The following PDS5B variants were observed in gnomAD, a reference collection of about 807,000 sequenced individuals.
The protein encoded by PDS5B is sister chromatid cohesion protein PDS5 homolog B.
PDS5B carries 51 observed loss-of-function variants against 184.1 expected under a neutral mutation model. That is an observed-to-expected ratio of 0.28 (90% CI 0.22 to 0.35). The LOEUF is 0.35. Among genes scored for constraint, PDS5B ranks in the 10% least tolerant of loss-of-function variants. The probability of loss-of-function intolerance (pLI) is 1.00; values close to 1 mark genes in which losing one functional copy is unlikely to be tolerated. For synonymous variants in PDS5B, 566 were observed against 569.2 expected, an observed-to-expected ratio of 0.99 and a Z score of 0.08; for missense variants, 1,180 against 1,723.3, an observed-to-expected ratio of 0.68 and a Z score of 5.58.
At chr13:32,755,079 A>G (rs1024172792) in intron 25 of PDS5B, among the ~76,000 whole-genome samples, 1 of 152,344 alleles carries the variant, frequency 6.6e-6, no homozygotes, top group South Asian at 2.1e-4. Context: ...ATTTAGCAAT[A>G]GAAATAAAGA....
intron 20 of PDS5B, 37 bp from the exon 21 acceptor site, chr13:32,735,135 G>A (rs773801448): frequency 8.0e-6 from 11 of 1,368,048 alleles, no homozygotes; most frequent in Non-Finnish European, 1.1e-5. Flanking sequence ...TTGTATATGT[G>A]TAGAGTTGAA....
At chr13:32,694,397 G>GAATATTACTACTATATAA in intron 14 of PDS5B, 93 bp downstream of exon 14, 1 of 794,632 alleles carries the variant, frequency 1.3e-6, no homozygotes, top group Admixed American at 2.5e-5. Flanking sequence ...AATTCTTTCT[G>GAATATTACTACTATATAA]TTTGCAAAAG....
At position 32,742,580 on chromosome 13, in the gene PDS5B, C is replaced by G; in HGVS notation, c.2476-11C>G. On this transcript the variant is annotated splice_polypyrimidine_tract_variant and intron_variant, in intron 22 of 34. Transcript: ENST00000315596. ...ACCAGTGTTTTATTTGTCGACTTGT[C>G]TCTTAAATAGATTCAGGCTATTAAA... is the stretch of plus-strand genomic sequence containing the variant. The G allele has an allele frequency of 6.2e-7, 1 of 1,601,872 alleles. No homozygotes were observed. The highest frequency in any genetic ancestry group is 8.5e-7 in the Non-Finnish European group (1 of 1,174,040).
At chr13:32,664,075 T>G (rs1448640845) in intron 6 of PDS5B, among the ~76,000 whole-genome samples, 1 of 152,214 alleles carries the variant, frequency 6.6e-6, no homozygotes, top group East Asian at 1.9e-4. Flanking sequence ...CTGAGTAGTA[T>G]TCCATGGTGT....
chr13:32,749,314 T>C (rs1041670751), intron 24 of PDS5B, among the ~76,000 whole-genome samples: 2 of 152,222 alleles, frequency 1.3e-5, no homozygotes, highest in African/African-American at 4.8e-5. Context: ...AAACTTGCTC[T>C]GAGTCTTTTA....
At chr13:32,638,353 T>C (rs530813551) in intron 1 of PDS5B, among the ~76,000 whole-genome samples, 19 of 152,074 alleles carry the variant, frequency 1.2e-4, no homozygotes, top group African/African-American at 4.6e-4. Flanking sequence ...AATGGAAAAA[T>C]TTGTTGTCAT....
chr13:32,659,863 A>G (rs1027112126), intron 6 of PDS5B, among the ~76,000 whole-genome samples: 1 of 152,154 alleles, frequency 6.6e-6, no homozygotes, highest in African/African-American at 2.4e-5. Context: ...CAGTGTAGTT[A>G]TCTGTGCAAA....
chr13:32,750,472 G>A (rs965027810), intron 24 of PDS5B, among the ~76,000 whole-genome samples: 5 of 152,034 alleles, frequency 3.3e-5, no homozygotes, highest in Admixed American at 6.6e-5. Flanking sequence ...ACTTTGTTTC[G>A]TGGAGTATGA....
At position 32,683,818 on chromosome 13, in the gene PDS5B, A is replaced by G; in HGVS notation, c.1058-60A>G. Reference sequence around the variant, plus strand: ...GGGCTTATTTTCAAGGGTATCATGCAGTGTTTTAAAAATATTTTAGTTATT... The same window carrying G: ...GGGCTTATTTTCAAGGGTATCATGCGGTGTTTTAAAAATATTTTAGTTATT... On this transcript the variant is annotated intron_variant, in intron 10 of 34. Transcript: ENST00000315596. 6 of 1,107,550 alleles carry G rather than the reference A, an allele frequency of 5.4e-6. No individual in the cohort carries two copies. In the South Asian group the frequency reaches 8.3e-5, roughly 15 times the overall value. 68.6% of individuals were successfully genotyped at this position (1,107,550 alleles called of 1,614,324 possible). A position where few individuals can be genotyped will look rare whatever the true frequency, so the allele number is the denominator to read the frequency against.
At chr13:32,645,707 T>C (rs1372742049) in intron 1 of PDS5B, among the ~76,000 whole-genome samples, 2 of 152,362 alleles carry the variant, frequency 1.3e-5, no homozygotes, top group African/African-American at 2.4e-5. Flanking sequence ...TTATCTGTTT[T>C]GTTAAGCTTT....
At chr13:32,726,147 C>G (rs1187950276) in intron 19 of PDS5B, among the ~76,000 whole-genome samples, 1 of 86,200 alleles carries the variant, frequency 1.2e-5, no homozygotes, top group Admixed American at 1.4e-4. Flanking sequence ...TGTAGATAAA[C>G]TTAAAAAAAA....
At chr13:32,612,550 C>T (rs971634141) in intron 1 of PDS5B, among the ~76,000 whole-genome samples, 17 of 152,154 alleles carry the variant, frequency 1.1e-4, no homozygotes, top group African/African-American at 1.2e-4. Flanking sequence ...TAGCCAATGC[C>T]GTCTGCTATG....
chr13:32,743,216 A>G (rs1231276277), intron 23 of PDS5B, among the ~76,000 whole-genome samples: 1 of 152,110 alleles, frequency 6.6e-6, no homozygotes, highest in Non-Finnish European at 1.5e-5. Context: ...ATTGAAAACT[A>G]CTGGACTCTG....
chr13:32,633,864 A>G (rs964697418), intron 1 of PDS5B, among the ~76,000 whole-genome samples: 2 of 152,184 alleles, frequency 1.3e-5, no homozygotes, highest in African/African-American at 4.8e-5. Flanking sequence ...TGTATACAGT[A>G]TGGTACATTG....
At chr13:32,739,279 T>A (rs149639433) in intron 21 of PDS5B, among the ~76,000 whole-genome samples, 114 of 152,310 alleles carry the variant, frequency 7.5e-4, no homozygotes, top group African/African-American at 2.6e-3. Context: ...TAATCTGCAG[T>A]GCTACCACTC....
chr13:32,593,483 G>C lies in PDS5B; in HGVS notation c.-20+6890G>C, dbSNP rs561967743. 2.6e-4 allele frequency among the ~76,000 whole-genome samples: 39 copies of C among 152,292 alleles called. 1 individual carries two copies. Among genetic ancestry groups the C allele is most frequent in the African/African-American group, 8.9e-4 (37 of 41,560 alleles). Reference sequence around the variant, plus strand: ...AGCCTCTGGAGTAGCTGGGATTACAGGCACCTGCCACCACGCCCGGCTAAT... The same window carrying C: ...AGCCTCTGGAGTAGCTGGGATTACACGCACCTGCCACCACGCCCGGCTAAT... On this transcript the variant is annotated intron_variant, in intron 1 of 34. Coordinates refer to ENST00000315596, the MANE Select transcript of PDS5B (RefSeq NM_015032.4).
intron 30 of PDS5B, among the ~76,000 whole-genome samples, chr13:32,762,870 C>G (rs866611882): frequency 1.3e-5 from 2 of 152,066 alleles, no homozygotes; most frequent in Admixed American, 6.6e-5. Context: ...ATACTACTGT[C>G]GTGATGTTAT....
intron 11 of PDS5B, among the ~76,000 whole-genome samples, chr13:32,685,439 TA>T (rs1157410579): frequency 3.3e-5 from 5 of 152,222 alleles, no homozygotes; most frequent in Non-Finnish European, 7.3e-5. Context: ...GTTGGGATCA[TA>T]ATGTATATTT....
chr13:32,718,819 G>A (rs1207030286), intron 19 of PDS5B, among the ~76,000 whole-genome samples: 1 of 152,142 alleles, frequency 6.6e-6, no homozygotes, highest in African/African-American at 2.4e-5. Flanking sequence ...ACATTATTAT[G>A]GGAGTAAACA....
Sources: gnomAD v4.1 joint callset for allele counts (sites outside exome capture counted in the v4.1 genomes callset) on GRCh38, gnomAD v4.1.1 for gene constraint, MANE v1.5 for transcripts, NCBI Gene and HGNC (gene_info 2026-07-23, HGNC 2026-07-21) for gene names.